PFKL: variants seen among roughly 807,000 people sequenced by gnomAD.
The protein encoded by PFKL is phosphofructokinase, liver type.
PFKL carries 74 observed loss-of-function variants against 92.1 expected under a neutral mutation model. That is an observed-to-expected ratio of 0.80 (90% CI 0.67 to 0.97). PFKL has a LOEUF of 0.97. Among genes scored for constraint, PFKL ranks in the 50% least tolerant of loss-of-function variants. PFKL has a pLI of 0.00. For missense variants in PFKL, 1,028 were observed against 1,116.6 expected (o/e 0.92, Z 1.13); for synonymous variants, 494 against 456.4 (o/e 1.08, Z -1.05).
intron 20 of PFKL, 49 bp from the exon 21 acceptor site, chr21:44,326,110 C>T: frequency 6.2e-7 from 1 of 1,606,008 alleles, no homozygotes; most frequent in East Asian, 2.2e-5. Flanking sequence ...CCCTGGCTCC[C>T]TGGGGCAGGG....
chr21:44,304,169 T>C, intron 1 of PFKL: 1 of 1,275,110 alleles, frequency 7.8e-7, no homozygotes, highest in Non-Finnish European at 1.0e-6. Flanking sequence ...CTTCATTGTC[T>C]CCGGGCGTCA....
intron 12 of PFKL, 154 bp from the exon 13 acceptor site, chr21:44,321,575 T>G: frequency 1.6e-6 from 1 of 636,460 alleles, no homozygotes; most frequent in Non-Finnish European, 2.5e-6. Flanking sequence ...GATACCGTAT[T>G]CCCAGGGCAG....
chr21:44,307,050 G>A (rs2040969686), intron 2 of PFKL, among the ~76,000 whole-genome samples: 1 of 152,162 alleles, frequency 6.6e-6, no homozygotes, highest in Admixed American at 6.5e-5. Context: ...TGCCTACAGT[G>A]ATCGCTGACG....
chr21:44,325,639 C>G, intron 19 of PFKL: 1 of 490,140 alleles, frequency 2.0e-6, no homozygotes, highest in Non-Finnish European at 3.7e-6. Context: ...GGAGGGGAGT[C>G]AGGGTGGCTG....
chr21:44,316,122 T>A, intron 7 of PFKL, 122 bp from the exon 8 acceptor site: 1 of 835,808 alleles, frequency 1.2e-6, no homozygotes, highest in Non-Finnish European at 2.0e-6. Flanking sequence ...TGGGTGGGGA[T>A]TGTGCCCTGG....
Position 44,313,159 on chromosome 21 carries a change from G to A in PFKL, c.593+16G>A, listed in dbSNP as rs375597487. ...CTGCCCAGAGGTGAGTGAGGCTGGCGCCGGCGGCCAGCCCAGGGCCCCTCC... is the reference window on the plus strand; with the variant it reads ...CTGCCCAGAGGTGAGTGAGGCTGGCACCGGCGGCCAGCCCAGGGCCCCTCC... On this transcript the variant is annotated intron_variant, in intron 5 of 21. Transcript: ENST00000349048. 1.1e-5 allele frequency: 18 copies of A among 1,611,250 alleles called. No individual in the cohort carries two copies. The highest frequency in any genetic ancestry group is 5.0e-5 in the Admixed American group (3 of 59,972).
intron 1 of PFKL, among the ~76,000 whole-genome samples, chr21:44,302,821 G>A (rs2040814063): frequency 6.6e-6 from 1 of 152,216 alleles, no homozygotes; most frequent in African/African-American, 2.4e-5. Flanking sequence ...CACAAGTCCT[G>A]TCCTGTGTGG....
At chr21:44,320,291 A>T in intron 12 of PFKL, 144 bp downstream of exon 12, 1 of 618,840 alleles carries the variant, frequency 1.6e-6, no homozygotes, top group Non-Finnish European at 2.7e-6. Flanking sequence ...GGTGGGCCTG[A>T]CCTCTGCCTG....
chr21:44,304,882 G>C (rs182268342), intron 1 of PFKL, among the ~76,000 whole-genome samples: 2 of 152,056 alleles, frequency 1.3e-5, no homozygotes, highest in Non-Finnish European at 2.9e-5. Flanking sequence ...ATCTATGTGG[G>C]GATGTGAGGG....
In PFKL at chr21:44,318,567, G is replaced by A. The variant is rs780393245; in HGVS notation, c.1034G>A (p.Arg345Gln). Residue 345 changes from arginine to glutamine, a missense_variant, in exon 10 of 22, where the codon CGG (arginine) becomes CAG (glutamine). Coordinates refer to ENST00000349048, the MANE Select transcript of PFKL (RefSeq NM_002626.6). The stretch of plus-strand genomic sequence containing the variant: ...ACCCTCTCGGGGAACCAGTCAGTGC[G>A]GCTGCCCCTCATGGAGTGCGTGCAG... ...VVTLSGNQSV[R>Q]LPLMECVQMT... is the part of the protein sequence containing the mutation. 39 of 1,554,234 alleles carry A rather than the reference G, an allele frequency of 2.5e-5. No individual in the cohort carries two copies. Among genetic ancestry groups the A allele is most frequent in the African/African-American group, 6.9e-5 (5 of 72,826 alleles).
chr21:44,311,365 GAC>G (rs920561753), intron 3 of PFKL, among the ~76,000 whole-genome samples: 8 of 151,162 alleles, frequency 5.3e-5, no homozygotes, highest in African/African-American at 1.7e-4. Context: ...CGTGCACACA[GAC>G]ACACAGACGC....
At position 44,326,217 on chromosome 21, in the gene PFKL, G is replaced by A. The variant is rs201494001; in HGVS notation, c.2148G>A (p.Ala716=). The change falls in exon 21 of 22, where the codon GCG becomes GCA. Residue 716 remains alanine, a synonymous_variant. Coordinates refer to ENST00000349048, the MANE Select transcript of PFKL (RefSeq NM_002626.6). ...SACVIGLKKK[A]VAFSPVTELK... ...GCGTGATCGGCCTGAAGAAGAAGGC[G>A]GTGGCCTTCAGCCCCGTCACTGAGC... 1.3e-4 allele frequency: 212 copies of A among 1,612,874 alleles called. No individual in the cohort carries two copies. The highest frequency in any genetic ancestry group is 1.2e-3 in the Admixed American group (71 of 59,986).
At chr21:44,300,956 C>T (rs1012735820) in intron 1 of PFKL, among the ~76,000 whole-genome samples, 2 of 152,168 alleles carry the variant, frequency 1.3e-5, no homozygotes. Flanking sequence ...CGCCACCTAC[C>T]CTACCCCTCA....
rs146459583 is a variant in PFKL at position 44,305,883 on chromosome 21, A to G, written c.86-798A>G. 43 of 1,365,584 alleles carry G rather than the reference A, an allele frequency of 3.1e-5. No individual in the cohort carries two copies. In the African/African-American group the frequency reaches 6.2e-4, roughly 20 times the overall value. 84.6% of individuals were successfully genotyped at this position (1,365,584 alleles called of 1,614,324 possible). On this transcript the variant is annotated intron_variant, in intron 1 of 21. Transcript: ENST00000349048. ...GGAGCCGAGGGCAAGGGGACAGGAA[A>G]GAGGAAGTGACCTCAGAGCCTGGTG...
Position 44,313,076 on chromosome 21 carries a change from A to T in PFKL, c.526A>T (p.Ile176Phe). Residue 176 changes from isoleucine to phenylalanine, a missense_variant, in exon 5 of 22, where the codon ATC (isoleucine) becomes TTC (phenylalanine). Ile to Phe is a conservative substitution (Grantham distance 21). Coordinates refer to ENST00000349048, the MANE Select transcript of PFKL (RefSeq NM_002626.6). ...DNDFCGTDMT[I>F]GTDSALHRIM... Reference sequence around the variant, plus strand: ...CGACTTCTGCGGCACCGACATGACCATCGGCACGGACTCGGCCCTCCACCG... The same window carrying T: ...CGACTTCTGCGGCACCGACATGACCTTCGGCACGGACTCGGCCCTCCACCG... 6.2e-7 allele frequency: 1 copy of T among 1,613,110 alleles called. No homozygotes were observed. Among genetic ancestry groups the T allele is most frequent in the Non-Finnish European group, 8.5e-7 (1 of 1,179,902 alleles).
chr21:44,303,636 C>T (rs148777307), intron 1 of PFKL, among the ~76,000 whole-genome samples: 13 of 152,108 alleles, frequency 8.5e-5, no homozygotes, highest in African/African-American at 2.9e-4. Flanking sequence ...CTTCCTGGCC[C>T]GCCACGCCTC....
rs1424835255 is a variant in PFKL, at chr21:44,313,066, C to A, written c.516C>A (p.Thr172=). The part of the protein sequence containing the change: ...VGSIDNDFCG[T]DMTIGTDSAL... The stretch of plus-strand genomic sequence containing the variant: ...CCATCGATAACGACTTCTGCGGCAC[C>A]GACATGACCATCGGCACGGACTCGG... Residue 172 remains threonine, a synonymous_variant, in exon 5 of 22, where the codon ACC becomes ACA. Coordinates refer to ENST00000349048, the MANE Select transcript of PFKL (RefSeq NM_002626.6). 1.9e-6 allele frequency: 3 copies of A among 1,613,090 alleles called. No individual in the cohort carries two copies. Among genetic ancestry groups the A allele is most frequent in the Non-Finnish European group, 1.7e-6 (2 of 1,179,962 alleles).
chr21:44,323,993 G>C (rs577347277), intron 16 of PFKL, 75 bp downstream of exon 16: 38 of 1,559,646 alleles, frequency 2.4e-5, no homozygotes, highest in Non-Finnish European at 3.3e-5. Context: ...GAGGCTGCTG[G>C]AGGGGATAGT....
chr21:44,300,122 TG>T lies in PFKL; in HGVS notation c.19del (p.Glu7ArgfsTer15). On this transcript the variant is annotated frameshift_variant, in exon 1 of 22. Transcript: ENST00000349048. LOFTEE classifies it high-confidence loss of function. ...GCCGCCGCCATGGCCGCGGTGGACCTGGAGAAGCTGCGGGCGTCGGGCGCGG... is the reference window on the plus strand; with the variant it reads ...GCCGCCGCCATGGCCGCGGTGGACCTGAGAAGCTGCGGGCGTCGGGCGCGG... MAAVDLEKLRASGAGK... is the reference protein window; with the variant it reads MAAVDXEKLRASGAGK... The T allele has an allele frequency of 1.7e-6, 2 of 1,180,236 alleles. No homozygotes were observed. The highest frequency in any genetic ancestry group is 2.1e-6 in the Non-Finnish European group (2 of 939,232). The allele number at this position is 1,180,236 out of a possible 1,614,324, so 73.1% of individuals were successfully genotyped here. A position where few individuals can be genotyped will look rare whatever the true frequency, so the allele number is the denominator to read the frequency against.
Sources: gnomAD v4.1 joint callset for allele counts (sites outside exome capture counted in the v4.1 genomes callset) on GRCh38, gnomAD v4.1.1 for gene constraint, MANE v1.5 for transcripts, NCBI Gene and HGNC (gene_info 2026-07-23, HGNC 2026-07-21) for gene names.